TBC1D22A: variants seen among roughly 807,000 people sequenced by gnomAD.
The protein encoded by TBC1D22A is TBC1 domain family member 22A.
Under a neutral mutation model 60.2 loss-of-function variants are expected in TBC1D22A, and 38 were observed. The observed-to-expected ratio is 0.63, with a 90% CI of 0.49 to 0.83. The LOEUF is 0.83. Among genes scored for constraint, TBC1D22A ranks in the 40% least tolerant of loss-of-function variants. TBC1D22A has a pLI of 0.00. For synonymous variants in TBC1D22A, 302 were observed against 281.7 expected (o/e 1.07, Z -0.72); for missense variants, 628 against 701.0 (o/e 0.90, Z 1.18).
At chr22:46,975,980 C>A (rs1174273684) in intron 9 of TBC1D22A, among the ~76,000 whole-genome samples, 1 of 152,126 alleles carries the variant, frequency 6.6e-6, no homozygotes, top group African/African-American at 2.4e-5. Flanking sequence ...GGCCCAAGCA[C>A]CAATTTGTCA....
chr22:46,982,987 T>C (rs2074574873), intron 9 of TBC1D22A, among the ~76,000 whole-genome samples: 1 of 152,190 alleles, frequency 6.6e-6, no homozygotes, highest in Admixed American at 6.5e-5. Context: ...GGAAGAACCT[T>C]TGTGGCACCG....
rs369598619 is a variant in TBC1D22A at position 46,904,142 on chromosome 22, T to TCTGCCTGCCTGC, written c.901-7930_901-7929insGCCTGCCTGCCT. Among the ~76,000 whole-genome samples the TCTGCCTGCCTGC allele has an allele frequency of 3.0e-5, 4 of 134,500 alleles. No homozygotes were observed. In the East Asian group the frequency reaches 8.8e-4, roughly 29 times the overall value. The allele number at this position is 134,500 out of a possible 152,430, so 88.2% of individuals were successfully genotyped here. On this transcript the variant is annotated intron_variant, in intron 7 of 12. Coordinates refer to ENST00000337137, the MANE Select transcript of TBC1D22A (RefSeq NM_014346.5). ...ATCTATCTATCTATCTATCTATCTA[T>TCTGCCTGCCTGC]CTACCTACCTACCTACCTACCTACC...
At chr22:46,967,111 G>A (rs535706525) in intron 8 of TBC1D22A, among the ~76,000 whole-genome samples, 8 of 152,346 alleles carry the variant, frequency 5.3e-5, no homozygotes, top group Admixed American at 4.6e-4. Flanking sequence ...GCTTACAGCC[G>A]TGGAGCAGAG....
chr22:46,985,297 C>G lies in TBC1D22A; in HGVS notation c.1125+10898C>G, dbSNP rs148996748. The stretch of plus-strand genomic sequence containing the variant: ...GGAATGAATGCCTGGAGCGCCGAGT[C>G]CGTTTAGATGTGTCAAATCCACACC... On this transcript the variant is annotated intron_variant, in intron 9 of 12. Coordinates refer to ENST00000337137, the MANE Select transcript of TBC1D22A (RefSeq NM_014346.5). Among the ~76,000 whole-genome samples, 539 of 152,220 alleles carry G rather than the reference C, an allele frequency of 3.5e-3. 2 individuals are homozygous for G. The highest frequency in any genetic ancestry group is 0.013 in the African/African-American group (528 of 41,530).
Position 47,109,976 on chromosome 22 carries a change from A to G in TBC1D22A, c.1330-1532A>G, listed in dbSNP as rs921334800. Among the ~76,000 whole-genome samples the G allele has an allele frequency of 4.3e-4, 66 of 151,982 alleles. 1 individual carries two copies. The highest frequency in any genetic ancestry group is 4.1e-3 in the Admixed American group (62 of 15,268). On this transcript the variant is annotated intron_variant, in intron 11 of 12. Coordinates refer to ENST00000337137, the MANE Select transcript of TBC1D22A (RefSeq NM_014346.5). ...CATCCATTCTCAGAGTGACAGTCGGAGGGATGCTTTTGAAGCCTGCATTTT... is the reference window on the plus strand; with the variant it reads ...CATCCATTCTCAGAGTGACAGTCGGGGGGATGCTTTTGAAGCCTGCATTTT...
intron 4 of TBC1D22A, among the ~76,000 whole-genome samples, chr22:46,800,965 T>G (rs1037570389): frequency 5.9e-5 from 9 of 152,190 alleles, no homozygotes; most frequent in African/African-American, 1.9e-4. Context: ...AGTACCCACC[T>G]GGAGCATTCT....
chr22:46,975,229 G>A (rs148903566), intron 9 of TBC1D22A, among the ~76,000 whole-genome samples: 1 of 152,284 alleles, frequency 6.6e-6, no homozygotes, highest in East Asian at 1.9e-4. Flanking sequence ...ATAGTGGCGA[G>A]TAAGGGTGAG....
In TBC1D22A at chr22:46,815,553, G is replaced by C. The variant is rs139099775; in HGVS notation, c.637+17933G>C. ...GATTGGTGGGCAGTTCTAACAAGAC[G>C]GTGCCCATTTCTCTTTCTAATTTAT... On this transcript the variant is annotated intron_variant, in intron 4 of 12. Coordinates refer to ENST00000337137, the MANE Select transcript of TBC1D22A (RefSeq NM_014346.5). 4.6e-3 allele frequency among the ~76,000 whole-genome samples: 704 copies of C among 152,272 alleles called. 5 individuals carry two copies. Among genetic ancestry groups the C allele is most frequent in the African/African-American group, 0.016 (682 of 41,554 alleles).
chr22:46,846,338 C>T lies in TBC1D22A; in HGVS notation c.638-32315C>T, dbSNP rs573410233. 3.9e-5 allele frequency among the ~76,000 whole-genome samples: 6 copies of T among 152,284 alleles called. No individual in the cohort carries two copies. The South Asian group carries it at 8.3e-4, about 21-fold the overall frequency. On this transcript the variant is annotated intron_variant, in intron 4 of 12. Transcript: ENST00000337137. The stretch of plus-strand genomic sequence containing the variant: ...TATGTATGTTTGTCAGTGGGCGTGG[C>T]GACATCGCTTACTCACCTATGCTTT...
At chr22:46,949,834 C>T (rs1307389254) in intron 8 of TBC1D22A, among the ~76,000 whole-genome samples, 2 of 152,298 alleles carry the variant, frequency 1.3e-5, no homozygotes, top group African/African-American at 2.4e-5. Context: ...GTGGTGAGCA[C>T]CATGCGCAAG....
chr22:46,974,250 G>T (rs775453672), intron 8 of TBC1D22A, 40 bp from the exon 9 acceptor site: 7 of 1,542,916 alleles, frequency 4.5e-6, no homozygotes, highest in Non-Finnish European at 3.5e-6. Flanking sequence ...GTCCCGTGTG[G>T]CTAAGTCTCC....
chr22:47,058,107 C>T (rs187326510), intron 11 of TBC1D22A, among the ~76,000 whole-genome samples: 7 of 152,328 alleles, frequency 4.6e-5, no homozygotes, highest in Admixed American at 2.0e-4. Context: ...ATCTGAGCTC[C>T]GGTGGCCACT....
intron 10 of TBC1D22A, 101 bp from the exon 11 acceptor site, chr22:47,036,970 T>G: frequency 6.8e-7 from 1 of 1,467,440 alleles, no homozygotes; most frequent in Admixed American, 1.8e-5. Context: ...TGGAGTGGGG[T>G]TCTGAGGCGG....
chr22:47,171,508 T>TG (rs988174673), intron 12 of TBC1D22A, among the ~76,000 whole-genome samples: 1 of 152,178 alleles, frequency 6.6e-6, no homozygotes, highest in African/African-American at 2.4e-5. Context: ...TCAGGGAGTC[T>TG]GCCCAGCTTC....
chr22:46,763,094 C>T (rs2083158516), intron 1 of TBC1D22A, among the ~76,000 whole-genome samples: 1 of 152,224 alleles, frequency 6.6e-6, no homozygotes, highest in Admixed American at 6.5e-5. Context: ...TTTTTCCTGA[C>T]ACTGGCAGGC....
chr22:46,987,272 C>T (rs931631698), intron 9 of TBC1D22A, among the ~76,000 whole-genome samples: 1 of 152,090 alleles, frequency 6.6e-6, no homozygotes, highest in African/African-American at 2.4e-5. Context: ...TTGGTCACCT[C>T]CTGAAAGAGC....
chr22:46,837,079 C>T (rs1050212802), intron 4 of TBC1D22A, among the ~76,000 whole-genome samples: 25 of 151,716 alleles, frequency 1.6e-4, no homozygotes, highest in African/African-American at 5.8e-4. Context: ...GAACTATGAT[C>T]ACACCCCTGG....
chr22:46,842,310 G>A (rs1000759799), intron 4 of TBC1D22A, among the ~76,000 whole-genome samples: 2 of 152,216 alleles, frequency 1.3e-5, no homozygotes, highest in Admixed American at 6.5e-5. Flanking sequence ...ATGGGTTTGG[G>A]TCTCTATGGG....
chr22:46,964,387 C>T (rs1044916579), intron 8 of TBC1D22A, among the ~76,000 whole-genome samples: 3 of 152,176 alleles, frequency 2.0e-5, no homozygotes, highest in Non-Finnish European at 4.4e-5. Flanking sequence ...CATGCGGCCT[C>T]TGCCAGCCAG....
Sources: allele counts gnomAD v4.1 joint callset (sites outside exome capture counted in the v4.1 genomes callset), GRCh38; gene constraint gnomAD v4.1.1; transcripts MANE v1.5; gene names NCBI Gene and HGNC (gene_info 2026-07-23, HGNC 2026-07-21).